The following ARK2N variants were observed in gnomAD, a reference collection of about 807,000 sequenced individuals.
ARK2N encodes arkadia (RNF111) N-terminal like PKA signaling regulator 2N.
chr18:46,256,043 T>C, the ARK2N span, among the ~76,000 whole-genome samples: 3 of 152,336 alleles, frequency 2.0e-5, no homozygotes, highest in South Asian at 4.1e-4. Flanking sequence ...TTCTAGACTA[T>C]TGTATTTTTA....
the ARK2N span, among the ~76,000 whole-genome samples, chr18:46,176,200 G>A: frequency 6.6e-6 from 1 of 152,138 alleles, no homozygotes; most frequent in Admixed American, 6.6e-5. Context: ...ACAAGAAGTT[G>A]TTTTGTTGGG....
chr18:46,201,103 C>T, the ARK2N span, among the ~76,000 whole-genome samples: 1 of 151,610 alleles, frequency 6.6e-6, no homozygotes, highest in Non-Finnish European at 1.5e-5. Context: ...CTCAGCCTCC[C>T]GAATAGCTGG....
chr18:46,195,769 C>A, the ARK2N span, among the ~76,000 whole-genome samples: 1 of 151,290 alleles, frequency 6.6e-6, no homozygotes, highest in South Asian at 2.1e-4. Context: ...AGAGACAGAG[C>A]TTCGCCATGT....
At chr18:46,215,630 A>ATT in the ARK2N span, among the ~76,000 whole-genome samples, 1 of 152,142 alleles carries the variant, frequency 6.6e-6, no homozygotes, top group Non-Finnish European at 1.5e-5. Flanking sequence ...GTATGCTTAG[A>ATT]TTTTGACCGT....
the ARK2N span, among the ~76,000 whole-genome samples, chr18:46,249,231 T>G: frequency 6.6e-6 from 1 of 151,760 alleles, no homozygotes; most frequent in Non-Finnish European, 1.5e-5. Flanking sequence ...GCAGCATTCT[T>G]TTTTTTTACT....
chr18:46,263,241 C>G, the ARK2N span: 1 of 1,025,380 alleles, frequency 9.8e-7, no homozygotes, highest in African/African-American at 1.6e-5. Flanking sequence ...AGGATTCAAA[C>G]TCATGGAAAA....
chr18:46,208,626 T>C, the ARK2N span, among the ~76,000 whole-genome samples: 1 of 152,132 alleles, frequency 6.6e-6, no homozygotes, highest in South Asian at 2.1e-4. Context: ...TGTGCCACCA[T>C]GCCCAGCTAA....
chr18:46,227,799 T>C, the ARK2N span, among the ~76,000 whole-genome samples: 5 of 152,172 alleles, frequency 3.3e-5, no homozygotes, highest in African/African-American at 1.2e-4. Context: ...GGTTTCTCCA[T>C]GTTGGTCAGG....
At chr18:46,203,115 T>A in the ARK2N span, among the ~76,000 whole-genome samples, 25 of 152,226 alleles carry the variant, frequency 1.6e-4, no homozygotes, top group African/African-American at 6.0e-4. Flanking sequence ...TATGACTTAA[T>A]CTAGGAGTTG....
At chr18:46,250,515 C>CACACACACACACACACACACACAG in the ARK2N span, among the ~76,000 whole-genome samples, 1 of 151,608 alleles carries the variant, frequency 6.6e-6, no homozygotes, top group South Asian at 2.1e-4. Context: ...CACACACACA[C>CACACACACACACACACACACACAG]AGTATTTTCC....
chr18:46,175,259 CT>C, the ARK2N span, among the ~76,000 whole-genome samples: 1 of 152,048 alleles, frequency 6.6e-6, no homozygotes, highest in Non-Finnish European at 1.5e-5. Flanking sequence ...TGACCTTTTG[CT>C]TTCTGAATCC....
chr18:46,228,700 C>A, the ARK2N span: 1 of 397,484 alleles, frequency 2.5e-6, no homozygotes, highest in East Asian at 3.6e-5. Flanking sequence ...ATCCTCCCGC[C>A]TCAGCCTCCC....
At chr18:46,211,269 T>TG in the ARK2N span, among the ~76,000 whole-genome samples, 2 of 152,170 alleles carry the variant, frequency 1.3e-5, no homozygotes, top group Non-Finnish European at 2.9e-5. Flanking sequence ...AACGTACTGT[T>TG]GCAAACACGG....
chr18:46,262,931 G>A, the ARK2N span: 13 of 1,613,922 alleles, frequency 8.1e-6, no homozygotes, highest in South Asian at 1.1e-5. Context: ...AATTGCAGGT[G>A]TGTTCATCCT....
the ARK2N span, among the ~76,000 whole-genome samples, chr18:46,242,902 T>C: frequency 6.6e-6 from 1 of 152,216 alleles, no homozygotes; most frequent in Admixed American, 6.5e-5. Context: ...AACATTTCTT[T>C]ATGTGTTTTT....
chr18:46,248,530 A>G, the ARK2N span, among the ~76,000 whole-genome samples: 1 of 152,088 alleles, frequency 6.6e-6, no homozygotes, highest in Non-Finnish European at 1.5e-5. Flanking sequence ...ACCCCTCCTT[A>G]CTGCTTTTTC....
chr18:46,263,038 C>A, the ARK2N span: 3 of 1,614,098 alleles, frequency 1.9e-6, no homozygotes, highest in Non-Finnish European at 2.5e-6. Flanking sequence ...TGCTGTGACT[C>A]CCCAGCAGAC....
At chr18:46,181,087 G>A in the ARK2N span, among the ~76,000 whole-genome samples, 3 of 151,770 alleles carry the variant, frequency 2.0e-5, no homozygotes, top group South Asian at 2.1e-4. Flanking sequence ...TGATGAAACC[G>A]TGTCTCTACT....
chr18:46,202,268 A>T, the ARK2N span, among the ~76,000 whole-genome samples: 3 of 152,194 alleles, frequency 2.0e-5, no homozygotes, highest in Non-Finnish European at 4.4e-5. Context: ...ACAAAATATT[A>T]AAAATGTTGC....
Sources: gnomAD v4.1 joint callset for allele counts (sites outside exome capture counted in the v4.1 genomes callset) on GRCh38, gnomAD v4.1.1 for gene constraint, MANE v1.5 for transcripts, NCBI Gene and HGNC (gene_info 2026-07-23, HGNC 2026-07-21) for gene names.